DCLK1: variants seen among roughly 807,000 people sequenced by gnomAD.
The protein encoded by DCLK1 is doublecortin like kinase 1.
A neutral mutation model predicts 86.2 loss-of-function variants in DCLK1; 16 were observed. That is an observed-to-expected ratio of 0.19 (90% CI 0.13 to 0.28). The LOEUF is 0.28. Among genes scored for constraint, DCLK1 ranks in the 10% least tolerant of loss-of-function variants. The pLI, the probability that DCLK1 is intolerant of heterozygous loss-of-function variation, is 1.00. For synonymous variants in DCLK1, 369 were observed against 370.5 expected, an observed-to-expected ratio of 1.00 and a Z score of 0.05; for missense variants, 590 against 940.2, an observed-to-expected ratio of 0.63 and a Z score of 4.87.
intron 3 of DCLK1, among the ~76,000 whole-genome samples, chr13:35,979,562 CAT>C (rs1269911057): frequency 1.2e-4 from 19 of 152,334 alleles, no homozygotes; most frequent in Admixed American, 6.5e-4. Flanking sequence ...AGTACTGACT[CAT>C]AGCATTTTTG....
At chr13:35,979,285 AGAAGACCCG>A (rs1879520021) in intron 3 of DCLK1, among the ~76,000 whole-genome samples, 1 of 152,220 alleles carries the variant, frequency 6.6e-6, no homozygotes, top group Non-Finnish European at 1.5e-5. Context: ...CCCGGGATTC[AGAAGACCCG>A]GCCGGGGAAG....
chr13:36,035,474 G>A (rs1400804080), intron 3 of DCLK1, among the ~76,000 whole-genome samples: 1 of 152,086 alleles, frequency 6.6e-6, no homozygotes, highest in Admixed American at 6.6e-5. Flanking sequence ...AGTAGTATTG[G>A]GGGGAAAGGG....
At chr13:35,846,300 C>T (rs185631602) in intron 6 of DCLK1, 1 of 985,226 alleles carries the variant, frequency 1.0e-6, no homozygotes. Flanking sequence ...AAAATAAACT[C>T]AATTCCTTGC....
chr13:36,045,257 C>CTA (rs59721866), intron 3 of DCLK1, among the ~76,000 whole-genome samples: 24,604 of 122,146 alleles, frequency 0.2, 2,898 homozygotes, highest in Non-Finnish European at 0.26. Context: ...AATCCATCTT[C>CTA]TATATATATA....
intron 4 of DCLK1, among the ~76,000 whole-genome samples, chr13:35,931,454 C>T (rs1039867187): frequency 6.6e-6 from 1 of 152,158 alleles, no homozygotes; most frequent in South Asian, 2.1e-4. Flanking sequence ...AAAAGCTAAC[C>T]ATGAGCCTGC....
chr13:35,814,414 C>T (rs925108568), intron 11 of DCLK1, among the ~76,000 whole-genome samples: 1 of 152,162 alleles, frequency 6.6e-6, no homozygotes, highest in African/African-American at 2.4e-5. Context: ...AATGCCAAAT[C>T]CTTGGCTTAG....
At chr13:36,095,681 C>T (rs1054244300) in intron 3 of DCLK1, among the ~76,000 whole-genome samples, 2 of 152,118 alleles carry the variant, frequency 1.3e-5, no homozygotes, top group African/African-American at 4.8e-5. Flanking sequence ...AAAGACTGAA[C>T]ACTGCTGAGA....
At chr13:35,779,576 A>G (rs2086486668) in intron 16 of DCLK1, among the ~76,000 whole-genome samples, 1 of 152,192 alleles carries the variant, frequency 6.6e-6, no homozygotes, top group Non-Finnish European at 1.5e-5. Flanking sequence ...CTGAATAATA[A>G]CAATAGCAAA....
chr13:35,912,483 G>A (rs1009969175), intron 4 of DCLK1, among the ~76,000 whole-genome samples: 5 of 152,146 alleles, frequency 3.3e-5, no homozygotes, highest in African/African-American at 4.8e-5. Flanking sequence ...ACTGGAGAAA[G>A]ATGATTCGAC....
chr13:35,982,435 G>A (rs1309751964), intron 3 of DCLK1, among the ~76,000 whole-genome samples: 2,394 of 10,826 alleles, frequency 0.22, 185 homozygotes, highest in East Asian at 0.37. Context: ...AGAGAGAGGG[G>A]GAGGGAGGGA....
At chr13:36,119,497 G>A (rs757625247) in intron 2 of DCLK1, among the ~76,000 whole-genome samples, 163 of 152,234 alleles carry the variant, frequency 1.1e-3, no homozygotes, top group Non-Finnish European at 2.1e-3. Context: ...TAGTTACAAA[G>A]GGGAAAATTA....
At chr13:35,896,605 A>C (rs534055391) in intron 4 of DCLK1, among the ~76,000 whole-genome samples, 218 of 151,672 alleles carry the variant, frequency 1.4e-3, no homozygotes, top group African/African-American at 5.1e-3. Context: ...AAAAAAAGTA[A>C]AGATTTTTTT....
At chr13:36,015,509 C>G (rs754170605) in intron 3 of DCLK1, among the ~76,000 whole-genome samples, 72 of 152,208 alleles carry the variant, frequency 4.7e-4, no homozygotes, top group Non-Finnish European at 8.8e-4. Context: ...CCAATCTTAC[C>G]ATAAGTTATT....
chr13:35,928,704 A>G lies in DCLK1; in HGVS notation c.823+18654T>C, dbSNP rs78947851. Among the ~76,000 whole-genome samples the G allele has an allele frequency of 2.4e-3, 361 of 152,294 alleles. 11 individuals are homozygous for G. In the East Asian group the frequency reaches 0.061, roughly 26 times the overall value. ...CTAGTGCTAAGAGCAGTGCCTGCCCATTGTAGATATTCACTCACTATTAGT... is the reference window on the plus strand; with the variant it reads ...CTAGTGCTAAGAGCAGTGCCTGCCCGTTGTAGATATTCACTCACTATTAGT... On this transcript the variant is annotated intron_variant, in intron 4 of 16. Coordinates refer to ENST00000360631, the MANE Select transcript of DCLK1 (RefSeq NM_001330071.2).
chr13:35,787,098 T>A (rs567580756), intron 16 of DCLK1, among the ~76,000 whole-genome samples: 2 of 150,598 alleles, frequency 1.3e-5, no homozygotes, highest in Non-Finnish European at 1.5e-5. Context: ...TATATATATA[T>A]ACACACACAT....
intron 5 of DCLK1, among the ~76,000 whole-genome samples, chr13:35,865,311 T>C (rs1444702228): frequency 3.3e-5 from 5 of 152,196 alleles, no homozygotes; most frequent in African/African-American, 4.8e-5. Flanking sequence ...TCCAAATATA[T>C]ACACATGTAT....
intron 4 of DCLK1, among the ~76,000 whole-genome samples, chr13:35,888,949 C>G (rs1424304640): frequency 6.6e-6 from 1 of 152,142 alleles, no homozygotes; most frequent in Non-Finnish European, 1.5e-5. Context: ...AGTAAAGTGT[C>G]AAGCCCTGTT....
intron 4 of DCLK1, among the ~76,000 whole-genome samples, chr13:35,916,506 T>C (rs1273200109): frequency 6.6e-6 from 1 of 152,160 alleles, no homozygotes; most frequent in Non-Finnish European, 1.5e-5. Flanking sequence ...AACAGGAACA[T>C]ACAGCAGAGG....
chr13:36,006,542 G>A (rs1212755460), intron 3 of DCLK1, among the ~76,000 whole-genome samples: 1 of 152,240 alleles, frequency 6.6e-6, no homozygotes, highest in Non-Finnish European at 1.5e-5. Flanking sequence ...TACAAAACCT[G>A]CTTTGCCACT....
Sources: allele counts gnomAD v4.1 joint callset (sites outside exome capture counted in the v4.1 genomes callset), GRCh38; gene constraint gnomAD v4.1.1; transcripts MANE v1.5; gene names NCBI Gene and HGNC (gene_info 2026-07-23, HGNC 2026-07-21).